SHC4: variants seen among roughly 807,000 people sequenced by gnomAD.
The protein encoded by SHC4 is SHC-transforming protein 4.
Under a neutral mutation model 69.4 loss-of-function variants are expected in SHC4, and 41 were observed. The observed-to-expected ratio is 0.59, with a 90% CI of 0.46 to 0.77. The LOEUF is 0.77. Among genes scored for constraint, SHC4 ranks in the 30% least tolerant of loss-of-function variants. SHC4 has a pLI of 0.00. For synonymous variants in SHC4, 318 were observed against 299.3 expected, an observed-to-expected ratio of 1.06 and a Z score of -0.64; for missense variants, 777 against 783.8, an observed-to-expected ratio of 0.99 and a Z score of 0.10.
At chr15:48,857,236 T>C (rs1217845632) in intron 7 of SHC4, among the ~76,000 whole-genome samples, 3 of 152,064 alleles carry the variant, frequency 2.0e-5, no homozygotes, top group Admixed American at 1.3e-4. Flanking sequence ...TCTATTTACA[T>C]TGCAAACCAA....
chr15:48,839,405 C>T lies in SHC4; in HGVS notation c.1483+4004G>A, dbSNP rs1006132912. On this transcript the variant is annotated intron_variant, in intron 10 of 11. Transcript: ENST00000332408. Reference sequence around the variant, plus strand: ...GAAGCCCCCAAGAAAGGCACTTTCTCCAACATCTACTTTAAGTATGCACAT... The same window carrying T: ...GAAGCCCCCAAGAAAGGCACTTTCTTCAACATCTACTTTAAGTATGCACAT... Among the ~76,000 whole-genome samples, 8 of 152,164 alleles carry T rather than the reference C, an allele frequency of 5.3e-5. No individual in the cohort carries two copies. In the South Asian group the frequency reaches 1.0e-3, roughly 20 times the overall value.
intron 1 of SHC4, among the ~76,000 whole-genome samples, chr15:48,947,029 T>G (rs1362668591): frequency 6.6e-6 from 1 of 151,776 alleles, no homozygotes; most frequent in African/African-American, 2.4e-5. Context: ...GCTAGGGGGG[T>G]TTAGGGGATA....
chr15:48,889,024 C>A (rs760409961), intron 3 of SHC4, among the ~76,000 whole-genome samples: 21 of 152,072 alleles, frequency 1.4e-4, no homozygotes, highest in Non-Finnish European at 2.9e-5. Flanking sequence ...TCAATACATG[C>A]CAGCTGTTGA....
chr15:48,852,752 A>G (rs898471655), intron 8 of SHC4, among the ~76,000 whole-genome samples: 1 of 151,928 alleles, frequency 6.6e-6, no homozygotes, highest in Non-Finnish European at 1.5e-5. Flanking sequence ...AAATACAAAC[A>G]TTAGCTGGGC....
chr15:48,884,244 T>C lies in SHC4; in HGVS notation c.840+4A>G. On this transcript the variant is annotated splice_donor_region_variant and intron_variant, in intron 4 of 11. Transcript: ENST00000332408. ...TTATCTATAAATGACATTTGTGATC[T>C]TACCTGTTGGTTGTCAAGATTCATC... 1 of 1,590,368 alleles carries C rather than the reference T, an allele frequency of 6.3e-7. No homozygotes were observed. The highest frequency in any genetic ancestry group is 8.5e-7 in the Non-Finnish European group (1 of 1,173,128).
In SHC4 at chr15:48,937,656, T is replaced by C. The variant is rs78914979; in HGVS notation, c.586-12707A>G. On this transcript the variant is annotated intron_variant, in intron 1 of 11. Transcript: ENST00000332408. ...TATAAATAATACACATATAGATCTA[T>C]CTATCCATATCATGAAGAGAAAGAG... Among the ~76,000 whole-genome samples the C allele has an allele frequency of 5.1e-3, 780 of 152,228 alleles. 6 individuals are homozygous for C. The highest frequency in any genetic ancestry group is 0.018 in the African/African-American group (759 of 41,552).
rs1901565854 is a variant in SHC4, at chr15:48,962,738, A to G, written c.278T>C (p.Met93Thr). ...CAAAGTGGCCGGGTTGGCCAGCTTC[A>G]TGCTTGCCATGCGGGGGATCAAGGT... ...LCTLIPRMAS[M>T]KLANPATLLS... Residue 93 changes from methionine to threonine, a missense_variant, in exon 1 of 12, where the codon ATG (methionine) becomes ACG (threonine). Transcript: ENST00000332408. The G allele has an allele frequency of 1.9e-6, 3 of 1,613,394 alleles. No individual in the cohort carries two copies. Among genetic ancestry groups the G allele is most frequent in the Admixed American group, 1.7e-5 (1 of 59,994 alleles).
rs139413586 is a variant in SHC4, at chr15:48,849,347, G to A, written c.1303+1841C>T. ...TTGGTTTGATTGTCACTTCCTTAGG[G>A]AGAGCCTCTACAGCCTCCCCAATTA... is the stretch of plus-strand genomic sequence containing the variant. On this transcript the variant is annotated intron_variant, in intron 9 of 11. Coordinates refer to ENST00000332408, the MANE Select transcript of SHC4 (RefSeq NM_203349.4). Among the ~76,000 whole-genome samples, 816 of 152,120 alleles carry A rather than the reference G, an allele frequency of 5.4e-3. 9 individuals are homozygous for A. Among genetic ancestry groups the A allele is most frequent in the African/African-American group, 0.019 (781 of 41,460 alleles).
intron 4 of SHC4, among the ~76,000 whole-genome samples, chr15:48,880,486 C>CTTTATCTTTACCAGGAAAG (rs1555434116): frequency 6.6e-6 from 1 of 151,746 alleles, no homozygotes; most frequent in African/African-American, 2.4e-5. Context: ...ACCTCCAGAT[C>CTTTATCTTTACCAGGAAAG]TTTATCTTTA....
chr15:48,917,723 A>G (rs1325783919), intron 2 of SHC4, among the ~76,000 whole-genome samples: 1 of 152,146 alleles, frequency 6.6e-6, no homozygotes, highest in Non-Finnish European at 1.5e-5. Context: ...AGAGCTTTGA[A>G]AGGGGTGACA....
At chr15:48,863,333 T>C (rs1278174004) in intron 6 of SHC4, among the ~76,000 whole-genome samples, 1 of 152,162 alleles carries the variant, frequency 6.6e-6, no homozygotes, top group African/African-American at 2.4e-5. Flanking sequence ...CCTGGGATTA[T>C]ACTATACACA....
rs748319947 is a variant in SHC4, at chr15:48,924,906, T to C, written c.629A>G (p.Asp210Gly). 1.2e-6 allele frequency: 2 copies of C among 1,614,100 alleles called. No individual in the cohort carries two copies. Among genetic ancestry groups the C allele is most frequent in the East Asian group, 4.5e-5 (2 of 44,882 alleles). The stretch of plus-strand genomic sequence containing the variant: ...TGTAACTTGGGTTCTCATTCCAAAA[T>C]CCAGTGATCTCATTGATTGCAGCAC... ...VEVLQSMRSL[D>G]FGMRTQVTRE... Residue 210 changes from aspartate to glycine, a missense_variant, in exon 2 of 12, where the codon GAT (aspartate) becomes GGT (glycine). Asp to Gly is a moderately conservative substitution (Grantham distance 94, BLOSUM62 -1). Coordinates refer to ENST00000332408, the MANE Select transcript of SHC4 (RefSeq NM_203349.4).
intron 1 of SHC4, among the ~76,000 whole-genome samples, chr15:48,948,912 G>A (rs1040603722): frequency 6.6e-6 from 1 of 151,930 alleles, no homozygotes; most frequent in East Asian, 1.9e-4. Context: ...TCTCAAAAAA[G>A]AAAAATCACA....
At chr15:48,906,137 G>A in intron 2 of SHC4, among the ~76,000 whole-genome samples, 1 of 152,030 alleles carries the variant, frequency 6.6e-6, no homozygotes, top group East Asian at 1.9e-4. Flanking sequence ...TCCTATAAAA[G>A]GGGCCCAAAT....
Position 48,890,643 on chromosome 15 carries a change from C to A in SHC4, c.720+105G>T, listed in dbSNP as rs1405951362. 2.3e-6 allele frequency: 3 copies of A among 1,306,470 alleles called. No individual in the cohort carries two copies. In the East Asian group the frequency reaches 7.0e-5, roughly 30 times the overall value. The allele number at this position is 1,306,470 out of a possible 1,614,324, so 80.9% of individuals were successfully genotyped here. A position where few individuals can be genotyped will look rare whatever the true frequency, so the allele number is the denominator to read the frequency against. ...CTGATATCACGCCACCTAATAAAGG[C>A]CAGGCTGGACCTTGGTCATATGGTG... is the stretch of plus-strand genomic sequence containing the variant. On this transcript the variant is annotated intron_variant, in intron 3 of 11. Coordinates refer to ENST00000332408, the MANE Select transcript of SHC4 (RefSeq NM_203349.4).
At chr15:48,830,330 C>A (rs1199746192) in intron 11 of SHC4, among the ~76,000 whole-genome samples, 1 of 152,194 alleles carries the variant, frequency 6.6e-6, no homozygotes, top group Non-Finnish European at 1.5e-5. Context: ...TTTCTCCACA[C>A]ACAATTTTAT....
intron 7 of SHC4, among the ~76,000 whole-genome samples, 190 bp from the exon 8 acceptor site, chr15:48,856,314 T>C (rs145661776): frequency 5.5e-4 from 84 of 152,316 alleles, no homozygotes; most frequent in South Asian, 3.3e-3. Flanking sequence ...TAGCTTTCTG[T>C]AGACAAAACG....
Position 48,950,175 on chromosome 15 carries a change from ATTATAT to A in SHC4, c.585+12250_585+12255del, listed in dbSNP as rs1167154488. ...TGTATATATTATTTTATATTATATA[ATTATAT>A]TTATAATTTTATATTATATAATTGT... On this transcript the variant is annotated intron_variant, in intron 1 of 11. Transcript: ENST00000332408. Among the ~76,000 whole-genome samples, 3 of 145,036 alleles carry A rather than the reference ATTATAT, an allele frequency of 2.1e-5. No homozygotes were observed. The East Asian group carries it at 5.9e-4, about 29-fold the overall frequency.
intron 1 of SHC4, among the ~76,000 whole-genome samples, chr15:48,929,021 A>G (rs1026747210): frequency 3.9e-5 from 6 of 152,158 alleles, no homozygotes; most frequent in Non-Finnish European, 8.8e-5. Context: ...CAATGAGGAC[A>G]AGTCCCCTTC....
Sources: allele counts gnomAD v4.1 joint callset (sites outside exome capture counted in the v4.1 genomes callset), GRCh38; gene constraint gnomAD v4.1.1; transcripts MANE v1.5; gene names NCBI Gene and HGNC (gene_info 2026-07-23, HGNC 2026-07-21).